The following UBE2E2 variants were observed in gnomAD, a reference collection of about 807,000 sequenced individuals.
UBE2E2 encodes the protein ubiquitin conjugating enzyme E2 E2, also known as ubiquitin-conjugating enzyme E2 E2.
Under a neutral mutation model 24.7 loss-of-function variants are expected in UBE2E2, and 6 were observed. The observed-to-expected ratio is 0.24, with a 90% CI of 0.13 to 0.48. UBE2E2 has a LOEUF of 0.48. UBE2E2 is among the 20% of genes least tolerant of loss of function. UBE2E2 has a pLI of 0.99. For missense variants in UBE2E2, 169 were observed against 245.0 expected (o/e 0.69, Z 2.07); for synonymous variants, 104 against 83.6 (o/e 1.24, Z -1.33).
intron 4 of UBE2E2, among the ~76,000 whole-genome samples, chr3:23,514,453 A>C (rs1458916294): frequency 6.6e-6 from 1 of 152,156 alleles, no homozygotes; most frequent in African/African-American, 2.4e-5. Flanking sequence ...AATATTGTGC[A>C]GTGTGTATGT....
At chr3:23,374,500 A>G (rs1024883614) in intron 3 of UBE2E2, among the ~76,000 whole-genome samples, 18 of 152,234 alleles carry the variant, frequency 1.2e-4, no homozygotes, top group Admixed American at 3.9e-4. Context: ...ATAGACTCCA[A>G]TTATTATAGT....
intron 3 of UBE2E2, among the ~76,000 whole-genome samples, chr3:23,277,922 C>T (rs7636536): frequency 0.34 from 50,901 of 151,898 alleles, 8,756 homozygotes; most frequent in South Asian, 0.4. Context: ...GTCTCACTTG[C>T]GTAAATTATT....
At chr3:23,218,670 C>A (rs1696545995) in intron 3 of UBE2E2, among the ~76,000 whole-genome samples, 1 of 151,962 alleles carries the variant, frequency 6.6e-6, no homozygotes. Flanking sequence ...ATTTTGACAA[C>A]CCCAATCACC....
chr3:23,333,907 C>T (rs1001098728), intron 3 of UBE2E2, among the ~76,000 whole-genome samples: 1 of 152,250 alleles, frequency 6.6e-6, no homozygotes, highest in African/African-American at 2.4e-5. Context: ...CTAGTAAATA[C>T]TAGAATCTGA....
intron 3 of UBE2E2, among the ~76,000 whole-genome samples, chr3:23,306,678 G>C (rs988311862): frequency 6.6e-6 from 1 of 152,088 alleles, no homozygotes; most frequent in Non-Finnish European, 1.5e-5. Context: ...ACTCCTCCTG[G>C]TTGGCTTTCT....
intron 5 of UBE2E2, among the ~76,000 whole-genome samples, chr3:23,533,936 A>G (rs1265420949): frequency 6.6e-6 from 1 of 152,230 alleles, no homozygotes; most frequent in East Asian, 1.9e-4. Context: ...AAAAAATAAA[A>G]TTGTGCAGGA....
At position 23,569,129 on chromosome 3, in the gene UBE2E2, A is replaced by C. The variant is rs150381714; in HGVS notation, c.509-20605A>C. 6.4e-4 allele frequency among the ~76,000 whole-genome samples: 98 copies of C among 152,324 alleles called. 5 individuals carry two copies. In the East Asian group the frequency reaches 0.015, roughly 24 times the overall value. ...ATAAATATAACTGATATATTCATAC[A>C]ATGGAAAATAATTTGATAATAAAAA... On this transcript the variant is annotated intron_variant, in intron 5 of 5. Transcript: ENST00000396703.
At chr3:23,443,709 C>G (rs1475110818) in intron 3 of UBE2E2, among the ~76,000 whole-genome samples, 1 of 152,132 alleles carries the variant, frequency 6.6e-6, no homozygotes, top group Non-Finnish European at 1.5e-5. Context: ...GACAGCTGGA[C>G]TAAGATACAA....
At chr3:23,221,272 C>A (rs1004083012) in intron 3 of UBE2E2, among the ~76,000 whole-genome samples, 1 of 152,044 alleles carries the variant, frequency 6.6e-6, no homozygotes, top group African/African-American at 2.4e-5. Context: ...ACTGGCGCTG[C>A]TTTTTAATTT....
chr3:23,492,772 C>T lies in UBE2E2; in HGVS notation c.228-6836C>T, dbSNP rs576980447. On this transcript the variant is annotated intron_variant, in intron 3 of 5. Transcript: ENST00000396703. ...CTAAGCACTTTTTTTGTAATAATAC[C>T]ATTAAACCTCCCAATAACCTCCCAA... Among the ~76,000 whole-genome samples the T allele has an allele frequency of 4.5e-4, 68 of 151,982 alleles. 1 individual carries two copies. The highest frequency in any genetic ancestry group is 1.6e-3 in the African/African-American group (66 of 41,468).
intron 3 of UBE2E2, among the ~76,000 whole-genome samples, chr3:23,454,554 A>C (rs1698632950): frequency 6.6e-6 from 1 of 152,212 alleles, no homozygotes; most frequent in Non-Finnish European, 1.5e-5. Flanking sequence ...AAGCTAAGAG[A>C]AGTTTTGCTT....
At chr3:23,460,308 G>A (rs147252488) in intron 3 of UBE2E2, among the ~76,000 whole-genome samples, 172 of 152,286 alleles carry the variant, frequency 1.1e-3, no homozygotes, top group African/African-American at 3.9e-3. Context: ...ACTACCTTAA[G>A]TGAGCTTGTG....
intron 3 of UBE2E2, among the ~76,000 whole-genome samples, chr3:23,440,190 C>G (rs1297267070): frequency 3.3e-5 from 5 of 152,102 alleles, no homozygotes; most frequent in Admixed American, 3.3e-4. Flanking sequence ...AGGAGAATCG[C>G]TTGAACTCAG....
chr3:23,347,365 A>G (rs1174086525), intron 3 of UBE2E2, among the ~76,000 whole-genome samples: 2 of 152,224 alleles, frequency 1.3e-5, no homozygotes, highest in Non-Finnish European at 2.9e-5. Flanking sequence ...ACGGAATACT[A>G]TGCAGCCATA....
intron 3 of UBE2E2, chr3:23,271,048 G>A (rs1414901011): frequency 2.2e-6 from 1 of 456,418 alleles, no homozygotes; most frequent in Admixed American, 2.4e-5. Flanking sequence ...AATTAACTAT[G>A]ACTAACATAC....
At chr3:23,530,738 T>C (rs1442446754) in intron 4 of UBE2E2, among the ~76,000 whole-genome samples, 1 of 152,212 alleles carries the variant, frequency 6.6e-6, no homozygotes, top group Non-Finnish European at 1.5e-5. Context: ...TCCTAATTGA[T>C]ATAAGGGCGC....
At chr3:23,243,462 C>T (rs1043191633) in intron 3 of UBE2E2, among the ~76,000 whole-genome samples, 12 of 152,116 alleles carry the variant, frequency 7.9e-5, no homozygotes, top group Non-Finnish European at 1.3e-4. Flanking sequence ...TTTTATGGCC[C>T]GCTTCCCTTT....
intron 3 of UBE2E2, among the ~76,000 whole-genome samples, chr3:23,397,959 C>T (rs1202583546): frequency 6.6e-6 from 1 of 152,060 alleles, no homozygotes; most frequent in Non-Finnish European, 1.5e-5. Flanking sequence ...TCATTTTTCT[C>T]CTCGGTCTGT....
At chr3:23,248,100 A>C (rs760327502) in intron 3 of UBE2E2, among the ~76,000 whole-genome samples, 1 of 118,490 alleles carries the variant, frequency 8.4e-6, no homozygotes, top group South Asian at 2.7e-4. Context: ...AGTGTAGATC[A>C]TGATGCCCAT....
Sources: gnomAD v4.1 joint callset for allele counts (sites outside exome capture counted in the v4.1 genomes callset) on GRCh38, gnomAD v4.1.1 for gene constraint, MANE v1.5 for transcripts, NCBI Gene and HGNC (gene_info 2026-07-23, HGNC 2026-07-21) for gene names.